FBRSL1: variants seen among roughly 807,000 people sequenced by gnomAD.
FBRSL1 encodes the protein fibrosin-1-like protein.
A neutral mutation model predicts 89.6 loss-of-function variants in FBRSL1; 51 were observed. That is an observed-to-expected ratio of 0.57 (90% CI 0.45 to 0.72). FBRSL1 has a LOEUF of 0.72. Ranked by LOEUF, FBRSL1 falls within the 30% of genes least tolerant of loss-of-function variation. The pLI, the probability that FBRSL1 is intolerant of heterozygous loss-of-function variation, is 0.00. For missense variants in FBRSL1, 1,618 were observed against 1,451.8 expected, an observed-to-expected ratio of 1.11 and a Z score of -1.86; for synonymous variants, 779 against 681.1, an observed-to-expected ratio of 1.14 and a Z score of -2.24.
chr12:132,552,736 C>T lies in FBRSL1; in HGVS notation c.645+4704C>T, dbSNP rs1374791320. ...GGCTGGACGGGCCGGAGGCCCCTGC[C>T]GTGGACACTCACCCCGCAGGACAGA... On this transcript the variant is annotated intron_variant, in intron 5 of 18. Transcript: ENST00000680143. The T allele has an allele frequency of 2.6e-5, 4 of 152,838 alleles. No homozygotes were observed. The Admixed American group carries it at 2.7e-4, about 10-fold the overall frequency. The allele number at this position is 152,838 out of a possible 1,614,324, so 9.5% of individuals were successfully genotyped here.
At position 132,517,848 on chromosome 12, in the gene FBRSL1, C is replaced by T. The variant is rs189098735; in HGVS notation, c.490-7886C>T. Among the ~76,000 whole-genome samples, 215 of 152,172 alleles carry T rather than the reference C, an allele frequency of 1.4e-3. No homozygotes were observed. In the Middle Eastern group the frequency reaches 0.034, roughly 24 times the overall value. On this transcript the variant is annotated intron_variant, in intron 2 of 18. Transcript: ENST00000680143. The stretch of plus-strand genomic sequence containing the variant: ...GGCAGCACGGTTGTGGGGGTGGTGG[C>T]GCCTGTCGGGAGGCTGCTGCAGCCG...
At chr12:132,553,777 C>T (rs1593464608) in intron 5 of FBRSL1, 1 of 152,262 alleles carries the variant, frequency 6.6e-6, no homozygotes, top group South Asian at 2.1e-4. Flanking sequence ...CAGCGTCCCA[C>T]AGCTGCTGTA....
chr12:132,510,504 C>A, intron 2 of FBRSL1: 1 of 1,231,934 alleles, frequency 8.1e-7, no homozygotes, highest in South Asian at 4.1e-5. Flanking sequence ...GATCTGCACC[C>A]TGGCAGGGCC....
chr12:132,498,330 C>T (rs1307184061), intron 1 of FBRSL1, among the ~76,000 whole-genome samples: 1 of 152,176 alleles, frequency 6.6e-6, no homozygotes, highest in East Asian at 1.9e-4. Context: ...CCACAGGCCC[C>T]CAGCCACCCT....
At chr12:132,531,090 TC>T (rs35811016) in intron 4 of FBRSL1, among the ~76,000 whole-genome samples, 1 of 151,702 alleles carries the variant, frequency 6.6e-6, no homozygotes, top group African/African-American at 2.4e-5. Flanking sequence ...GAAGTGCTCT[TC>T]CCCGGCACTG....
intron 2 of FBRSL1, among the ~76,000 whole-genome samples, chr12:132,521,681 T>C (rs1356802021): frequency 1.3e-5 from 2 of 152,146 alleles, no homozygotes; most frequent in Non-Finnish European, 2.9e-5. Context: ...ATCCGATTGG[T>C]GTGAGACTTC....
At chr12:132,547,038 C>G (rs957504542) in intron 4 of FBRSL1, among the ~76,000 whole-genome samples, 1 of 152,230 alleles carries the variant, frequency 6.6e-6, no homozygotes, top group African/African-American at 2.4e-5. Context: ...GTCATTCATT[C>G]GACGTGAATG....
In FBRSL1 at chr12:132,509,222, G is replaced by A. The variant is rs1303296755; in HGVS notation, c.489+872G>A. 1.2e-5 allele frequency: 15 copies of A among 1,251,836 alleles called. 1 individual carries two copies. The Admixed American group carries it at 1.3e-4, about 10-fold the overall frequency. 77.5% of individuals were successfully genotyped at this position (1,251,836 alleles called of 1,614,324 possible). On this transcript the variant is annotated intron_variant, in intron 2 of 18. Coordinates refer to ENST00000680143, the MANE Select transcript of FBRSL1 (RefSeq NM_001367871.1). ...CCAGCCACTGGGACCAGAACGGCCC[G>A]GCCCAGCGCCAGCAACAGCTCCAGC... is the stretch of plus-strand genomic sequence containing the variant.
At chr12:132,509,584 G>A (rs898804202) in intron 2 of FBRSL1, 32 of 1,231,890 alleles carry the variant, frequency 2.6e-5, no homozygotes, top group African/African-American at 1.4e-4. Context: ...CACCACTGCC[G>A]GCGCCTGCGG....
chr12:132,526,013 G>T (rs1431009069), intron 3 of FBRSL1, among the ~76,000 whole-genome samples, 190 bp downstream of exon 3: 1 of 152,264 alleles, frequency 6.6e-6, no homozygotes. Context: ...CGCTGGTTAG[G>T]GTCCGGTTTC....
intron 2 of FBRSL1, among the ~76,000 whole-genome samples, chr12:132,518,664 A>G (rs978517264): frequency 2.0e-5 from 3 of 148,646 alleles, no homozygotes; most frequent in Non-Finnish European, 4.5e-5. Context: ...CCGTGCATCC[A>G]TCCATCCACC....
intron 2 of FBRSL1, among the ~76,000 whole-genome samples, chr12:132,522,253 CCTGAGCCCCCGA>C (rs2035424528): frequency 6.6e-6 from 1 of 152,162 alleles, no homozygotes; most frequent in Non-Finnish European, 1.5e-5. Flanking sequence ...CCAGGCCGCA[CCTGAGCCCCCGA>C]CTGAGCCCGA....
At position 132,490,387 on chromosome 12, in the gene FBRSL1, C is replaced by T. The variant is rs2136272798; in HGVS notation, c.-184C>T. The stretch of plus-strand genomic sequence containing the variant: ...CCGGGGGTCCCAGGCCGCGCCGGGC[C>T]CGGGGCTGAGCCGCCCCCCGCGCCC... On this transcript the variant is annotated 5_prime_UTR_variant, in exon 1 of 19. Coordinates refer to ENST00000680143, the MANE Select transcript of FBRSL1 (RefSeq NM_001367871.1). 4.6e-6 allele frequency: 1 copy of T among 217,636 alleles called. No individual in the cohort carries two copies. Among genetic ancestry groups the T allele is most frequent in the South Asian group, 1.8e-4 (1 of 5,488 alleles). The allele number at this position is 217,636 out of a possible 1,614,324, so 13.5% of individuals were successfully genotyped here.
chr12:132,513,759 G>T (rs1031724782), intron 2 of FBRSL1, among the ~76,000 whole-genome samples: 1 of 152,186 alleles, frequency 6.6e-6, no homozygotes, highest in Non-Finnish European at 1.5e-5. Context: ...TGGAAGATGG[G>T]TGACACTGAG....
rs1250710344 is a variant in FBRSL1, at chr12:132,490,693, C to T, written c.123C>T (p.Ser41=). Residue 41 remains serine, a synonymous_variant, in exon 1 of 19, where the codon AGC becomes AGT. Transcript: ENST00000680143. ...SPSSGDEPEP[S]PGKENAGLRG... Reference sequence around the variant, plus strand: ...CGTCGGGCGACGAGCCCGAGCCCAGCCCCGGCAAGGAGAACGCGGGCCTCC... The same window carrying T: ...CGTCGGGCGACGAGCCCGAGCCCAGTCCCGGCAAGGAGAACGCGGGCCTCC... The T allele has an allele frequency of 7.0e-6, 7 of 997,734 alleles. No homozygotes were observed. Among genetic ancestry groups the T allele is most frequent in the Non-Finnish European group, 8.4e-6 (7 of 835,176 alleles). 61.8% of individuals were successfully genotyped at this position (997,734 alleles called of 1,614,324 possible). A position where few individuals can be genotyped will look rare whatever the true frequency, so the allele number is the denominator to read the frequency against.
At chr12:132,536,679 G>A (rs573247830) in intron 4 of FBRSL1, among the ~76,000 whole-genome samples, 12 of 151,530 alleles carry the variant, frequency 7.9e-5, no homozygotes, top group South Asian at 4.2e-4. Flanking sequence ...TGTACATGAC[G>A]TGTGAGTGCA....
At chr12:132,526,082 C>G (rs1290609310) in intron 3 of FBRSL1, among the ~76,000 whole-genome samples, 1 of 152,244 alleles carries the variant, frequency 6.6e-6, no homozygotes, top group Non-Finnish European at 1.5e-5. Context: ...TGATTTTTTA[C>G]TCATTAGGAC....
chr12:132,581,047 G>A, intron 15 of FBRSL1: 1 of 985,492 alleles, frequency 1.0e-6, no homozygotes. Context: ...ACCACATTAA[G>A]AAGTGAGGAC....
intron 4 of FBRSL1, among the ~76,000 whole-genome samples, chr12:132,540,462 C>T (rs969198164): frequency 2.6e-5 from 4 of 151,300 alleles, no homozygotes. Context: ...CACCCTGGCC[C>T]GGGCCACCTA....
Sources: allele counts gnomAD v4.1 joint callset (sites outside exome capture counted in the v4.1 genomes callset), GRCh38; gene constraint gnomAD v4.1.1; transcripts MANE v1.5; gene names NCBI Gene and HGNC (gene_info 2026-07-23, HGNC 2026-07-21).